The following SLC9A4 variants were observed in gnomAD, a reference collection of about 807,000 sequenced individuals.
The protein encoded by SLC9A4 is solute carrier family 9 member A4, also known as sodium/hydrogen exchanger 4.
Under a neutral mutation model 67.4 loss-of-function variants are expected in SLC9A4, and 63 were observed. That is an observed-to-expected ratio of 0.93 (90% CI 0.76 to 1.15). The LOEUF is 1.15. SLC9A4 is among the 50% of genes most tolerant of loss of function. The probability of loss-of-function intolerance (pLI) is 0.00; values close to 1 mark genes in which losing one functional copy is unlikely to be tolerated. For synonymous variants in SLC9A4, 393 were observed against 367.2 expected, an observed-to-expected ratio of 1.07 and a Z score of -0.80; for missense variants, 1,089 against 987.7, an observed-to-expected ratio of 1.10 and a Z score of -1.38.
At chr2:102,522,673 T>C (rs1685452757) in intron 9 of SLC9A4, among the ~76,000 whole-genome samples, 1 of 152,104 alleles carries the variant, frequency 6.6e-6, no homozygotes, top group South Asian at 2.1e-4. Context: ...TGATAAACAA[T>C]TGTAAAAGTT....
chr2:102,529,391 T>C (rs1426820621), intron 11 of SLC9A4, among the ~76,000 whole-genome samples: 1 of 152,234 alleles, frequency 6.6e-6, no homozygotes, highest in Non-Finnish European at 1.5e-5. Context: ...CTCTGCAATA[T>C]GTTATGGGTC....
intron 10 of SLC9A4, among the ~76,000 whole-genome samples, 181 bp from the exon 11 acceptor site, chr2:102,526,078 G>C (rs778080779): frequency 6.6e-6 from 1 of 152,114 alleles, no homozygotes; most frequent in Non-Finnish European, 1.5e-5. Flanking sequence ...AGTAGAGACG[G>C]GGTTTCACCA....
In SLC9A4 at chr2:102,508,235, T is replaced by C; in HGVS notation, c.1355T>C (p.Phe452Ser). The C allele has an allele frequency of 6.2e-7, 1 of 1,614,198 alleles. No individual in the cohort carries two copies. Among genetic ancestry groups the C allele is most frequent in the Non-Finnish European group, 8.5e-7 (1 of 1,180,036 alleles). The change falls in exon 5 of 12, where the codon TTT (phenylalanine) becomes TCT (serine). Residue 452 changes from phenylalanine to serine, a missense_variant. Phe to Ser is a radical substitution (Grantham distance 155, BLOSUM62 -2). Coordinates refer to ENST00000295269, the MANE Select transcript of SLC9A4 (RefSeq NM_001011552.4). ...TCTCTTTTTCCTAGGAAGAAAATGTTTGTCACTGCTACTCTAGTAGTTATA... is the reference window on the plus strand; with the variant it reads ...TCTCTTTTTCCTAGGAAGAAAATGTCTGTCACTGCTACTCTAGTAGTTATA... ...PLSLFPRKKM[F>S]VTATLVVIYF...
At position 102,473,892 on chromosome 2, in the gene SLC9A4, T is replaced by A. The variant is rs570988424; in HGVS notation, c.133T>A (p.Trp45Arg). The change falls in exon 1 of 12, where the codon TGG becomes AGG. Residue 45 changes from tryptophan (W) to arginine (R), a missense_variant. Coordinates refer to ENST00000295269, the MANE Select transcript of SLC9A4 (RefSeq NM_001011552.4). ...CACTGCTCAGTATGCATCTAACGCT[T>A]GGTTTGCTGCTGCCAGCTCAGAGCC... Reference protein sequence around the residue: ...NSTAQYASNAWFAAASSEPEE... With the variant: ...NSTAQYASNARFAAASSEPEE... 1.9e-6 allele frequency: 3 copies of A among 1,614,150 alleles called. No individual in the cohort carries two copies. In the South Asian group the frequency reaches 3.3e-5, roughly 18 times the overall value.
Position 102,508,838 on chromosome 2 carries a change from C to G in SLC9A4, c.1402-9C>G. 6.2e-7 allele frequency: 1 copy of G among 1,602,640 alleles called. No individual in the cohort carries two copies. The highest frequency in any genetic ancestry group is 8.5e-7 in the Non-Finnish European group (1 of 1,176,172). ...AACAAAACCCTTTGTTTTGTTATTT[C>G]TGATCTAGGGAATCACAGTTGGCCC... On this transcript the variant is annotated splice_polypyrimidine_tract_variant and intron_variant, in intron 5 of 11. Coordinates refer to ENST00000295269, the MANE Select transcript of SLC9A4 (RefSeq NM_001011552.4).
chr2:102,493,493 T>G (rs1452626249), intron 2 of SLC9A4, among the ~76,000 whole-genome samples: 1 of 151,826 alleles, frequency 6.6e-6, no homozygotes, highest in Non-Finnish European at 1.5e-5. Flanking sequence ...GAAACTGCCC[T>G]TTATAAAACC....
chr2:102,493,479 C>T (rs1429587530), intron 2 of SLC9A4, among the ~76,000 whole-genome samples: 1 of 151,832 alleles, frequency 6.6e-6, no homozygotes, highest in African/African-American at 2.4e-5. Context: ...AGAGCATGTA[C>T]AGGGAAACTG....
At chr2:102,511,853 GAT>G (rs1685169240) in intron 6 of SLC9A4, among the ~76,000 whole-genome samples, 1 of 151,490 alleles carries the variant, frequency 6.6e-6, no homozygotes, top group Non-Finnish European at 1.5e-5. Flanking sequence ...TCTTAAATAT[GAT>G]ATATTTTATT....
rs910290876 is a variant in SLC9A4, at chr2:102,511,325, C to G, written c.1489-878C>G. Among the ~76,000 whole-genome samples the G allele has an allele frequency of 2.6e-5, 4 of 152,178 alleles. No individual in the cohort carries two copies. In the South Asian group the frequency reaches 6.2e-4, roughly 24 times the overall value. On this transcript the variant is annotated intron_variant, in intron 6 of 11. Transcript: ENST00000295269. ...GTGACTGTTTTAAAACATGTAACAA[C>G]TTAACATCTATCTTTATCTCCTATG...
chr2:102,499,561 C>T (rs4851599), intron 2 of SLC9A4, among the ~76,000 whole-genome samples: 107,778 of 152,050 alleles, frequency 0.71, 38,911 homozygotes, highest in Middle Eastern at 0.77. Context: ...GTGTCTGTTG[C>T]TTGTGTGTCT....
intron 2 of SLC9A4, among the ~76,000 whole-genome samples, chr2:102,480,096 C>T (rs972732955): frequency 1.3e-5 from 2 of 152,138 alleles, no homozygotes; most frequent in South Asian, 2.1e-4. Flanking sequence ...ATAAGTAATA[C>T]TAGAATACAT....
chr2:102,475,319 C>T (rs1025551895), intron 1 of SLC9A4, among the ~76,000 whole-genome samples: 1 of 152,142 alleles, frequency 6.6e-6, no homozygotes, highest in Non-Finnish European at 1.5e-5. Context: ...AAACAATATG[C>T]TAGAGATTCT....
intron 3 of SLC9A4, among the ~76,000 whole-genome samples, chr2:102,504,632 CA>C (rs1370229242): frequency 6.6e-6 from 1 of 152,158 alleles, no homozygotes; most frequent in Non-Finnish European, 1.5e-5. Context: ...CAGGCAGATA[CA>C]TTTAATTTTA....
At chr2:102,492,800 T>G (rs200245142) in intron 2 of SLC9A4, among the ~76,000 whole-genome samples, 2 of 10,260 alleles carry the variant, frequency 1.9e-4, no homozygotes, top group Non-Finnish European at 3.5e-4. Flanking sequence ...CCAGAAAATG[T>G]TTTTTTTCTT....
intron 2 of SLC9A4, among the ~76,000 whole-genome samples, chr2:102,481,619 G>T (rs1401084590): frequency 4.6e-5 from 7 of 151,866 alleles, no homozygotes; most frequent in Admixed American, 1.3e-4. Context: ...AAGATTTATA[G>T]GAATTCATTA....
At chr2:102,512,069 AAC>A in intron 6 of SLC9A4, 132 bp from the exon 7 acceptor site, 1 of 843,472 alleles carries the variant, frequency 1.2e-6, no homozygotes, top group South Asian at 1.8e-5. Flanking sequence ...TTATTACATG[AAC>A]ACAGTGATAG....
At chr2:102,515,555 G>A (rs1455969449) in intron 8 of SLC9A4, among the ~76,000 whole-genome samples, 1 of 151,600 alleles carries the variant, frequency 6.6e-6, no homozygotes, top group Non-Finnish European at 1.5e-5. Flanking sequence ...AAATGGAAAA[G>A]TGTTGACAGA....
rs775596697 is a variant in SLC9A4, at chr2:102,525,140, G to T, written c.1935G>T (p.Leu645=). 1.9e-6 allele frequency: 3 copies of T among 1,613,860 alleles called. No homozygotes were observed. Among genetic ancestry groups the T allele is most frequent in the African/African-American group, 2.7e-5 (2 of 74,918 alleles). The change falls in exon 10 of 12, where the codon CTG becomes CTT. Residue 645 remains leucine (L), a synonymous_variant. Coordinates refer to ENST00000295269, the MANE Select transcript of SLC9A4 (RefSeq NM_001011552.4). ...AGAGCATGAGGAAAGGTCACAGCCT[G>T]CCCTGGGGAAAGCCGGTACATTGGG... The part of the protein sequence containing the change: ...LRESMRKGHS[L]PWGKPAGTKN...
At chr2:102,493,266 T>C (rs1283760696) in intron 2 of SLC9A4, among the ~76,000 whole-genome samples, 3 of 152,040 alleles carry the variant, frequency 2.0e-5, no homozygotes, top group Non-Finnish European at 2.9e-5. Context: ...TTGGGTATCC[T>C]TATAGTAGTA....
Sources: gnomAD v4.1 joint callset for allele counts (sites outside exome capture counted in the v4.1 genomes callset) on GRCh38, gnomAD v4.1.1 for gene constraint, MANE v1.5 for transcripts, NCBI Gene and HGNC (gene_info 2026-07-23, HGNC 2026-07-21) for gene names.